LRP2: variants seen among roughly 807,000 people sequenced by gnomAD.
LRP2 encodes the protein LDL receptor related protein 2.
In LRP2, 172 loss-of-function variants were observed where a neutral mutation model predicts 531.0. That is an observed-to-expected ratio of 0.32 (90% CI 0.29 to 0.37). The LOEUF (loss-of-function observed/expected upper bound fraction) is 0.37. Ranked by LOEUF, LRP2 falls within the 10% of genes least tolerant of loss-of-function variation. LRP2 has a pLI of 1.00. For synonymous variants in LRP2, 1,992 were observed against 2,027.6 expected, an observed-to-expected ratio of 0.98 and a Z score of 0.47; for missense variants, 5,167 against 5,868.3, an observed-to-expected ratio of 0.88 and a Z score of 3.90.
At position 169,202,769 on chromosome 2, in the gene LRP2, C is replaced by G. The variant is rs1279580712; in HGVS notation, c.8196G>C (p.Met2732Ile). 1.9e-6 allele frequency: 3 copies of G among 1,614,100 alleles called. No homozygotes were observed. The highest frequency in any genetic ancestry group is 2.7e-5 in the African/African-American group (2 of 74,928). The change falls in exon 43 of 79, where the codon ATG becomes ATC. Residue 2732 changes from methionine to isoleucine, a missense_variant. By Grantham distance (10) the Met-to-Ile change is conservative. Coordinates refer to ENST00000649046, the MANE Select transcript of LRP2 (RefSeq NM_004525.3). ...AGTCCAACTCACCACAGACACTTTC[C>G]ATCTCATCACTGCCATCCCCACAGT... ...DNDCGDGSDE[M>I]ESVCALHTCS...
At chr2:169,289,197 T>A in intron 8 of LRP2, 52 bp from the exon 9 acceptor site, 1 of 1,609,406 alleles carries the variant, frequency 6.2e-7, no homozygotes, top group Non-Finnish European at 8.5e-7. Flanking sequence ...TGGACAAGAC[T>A]GATTAATCTA....
chr2:169,155,919 C>A (rs951211663), intron 65 of LRP2, among the ~76,000 whole-genome samples: 7 of 152,100 alleles, frequency 4.6e-5, no homozygotes, highest in African/African-American at 1.7e-4. Context: ...TATTGATGAC[C>A]ATCCCATAGG....
chr2:169,155,584 T>A (rs75937612), intron 65 of LRP2, among the ~76,000 whole-genome samples: 483 of 152,328 alleles, frequency 3.2e-3, no homozygotes, highest in African/African-American at 0.011. Flanking sequence ...AAACTTCAAA[T>A]TCAAAATAAA....
chr2:169,138,218 T>A (rs1685589297), intron 75 of LRP2, among the ~76,000 whole-genome samples: 1 of 152,138 alleles, frequency 6.6e-6, no homozygotes, highest in Admixed American at 6.5e-5. Context: ...AAAAATATAG[T>A]TCCCTACTCC....
chr2:169,271,510 A>G (rs2105438246), intron 15 of LRP2, among the ~76,000 whole-genome samples: 1 of 152,102 alleles, frequency 6.6e-6, no homozygotes, highest in East Asian at 1.9e-4. Context: ...ACTTAAAGTA[A>G]AATAGTATAA....
chr2:169,217,855 G>T (rs1688853971), intron 34 of LRP2, among the ~76,000 whole-genome samples: 1 of 152,006 alleles, frequency 6.6e-6, no homozygotes, highest in Non-Finnish European at 1.5e-5. Context: ...AATACACTCA[G>T]GTTTCTCTAT....
Position 169,157,405 on chromosome 2 carries a change from G to T in LRP2, c.11985C>A (p.Phe3995Leu), listed in dbSNP as rs138867955. The change falls in exon 64 of 79, where the codon TTC (phenylalanine) becomes TTA (leucine). Residue 3995 changes from phenylalanine to leucine, a missense_variant. Physicochemically the swap from Phe to Leu is conservative, Grantham distance 22 (BLOSUM62 0). This residue lies in a region of LRP2 where 564 missense variants were observed against 747.7 expected (regional missense o/e 0.75). Transcript: ENST00000649046. The stretch of plus-strand genomic sequence containing the variant: ...AGGTTCTGTCAAAAACATTGGTTTC[G>T]AACCCAGCTGTACAGGAGCAGATAA... The part of the protein sequence containing the change: ...GGFICSCTAG[F>L]ETNVFDRTSC... 6.2e-6 allele frequency: 10 copies of T among 1,613,184 alleles called. No homozygotes were observed. The highest frequency in any genetic ancestry group is 1.3e-5 in the African/African-American group (1 of 74,860).
In LRP2 at chr2:169,201,851, C is replaced by T. The variant is rs371722114; in HGVS notation, c.8229G>A (p.Pro2743=). ...ESVCALHTCS[P]TAFTCANGRC... ...GCCCATTGGCACAGGTGAAGGCTGT[C>T]GGTGAGCAGGTGTGAAGTGCTAAGA... The change falls in exon 44 of 79, where the codon CCG becomes CCA. Residue 2743 remains proline (P), a synonymous_variant. Transcript: ENST00000649046. 75 of 1,613,906 alleles carry T rather than the reference C, an allele frequency of 4.6e-5. No individual in the cohort carries two copies. Among genetic ancestry groups the T allele is most frequent in the Non-Finnish European group, 6.0e-5 (71 of 1,180,016 alleles).
Position 169,181,629 on chromosome 2 carries a change from A to G in LRP2, c.9999-11T>C, listed in dbSNP as rs777546715. ...GCCCAGTAGAGGTACCTGTCAGGGCAAACACAAAGGGTCAGTCCCTGATGC... is the reference window on the plus strand; with the variant it reads ...GCCCAGTAGAGGTACCTGTCAGGGCGAACACAAAGGGTCAGTCCCTGATGC... On this transcript the variant is annotated splice_polypyrimidine_tract_variant and intron_variant, in intron 51 of 78. Transcript: ENST00000649046. The G allele has an allele frequency of 6.2e-7, 1 of 1,614,042 alleles. No homozygotes were observed. The highest frequency in any genetic ancestry group is 8.5e-7 in the Non-Finnish European group (1 of 1,179,966).
intron 16 of LRP2, among the ~76,000 whole-genome samples, chr2:169,265,918 G>GA (rs963039969): frequency 1.7e-4 from 25 of 149,034 alleles, no homozygotes; most frequent in East Asian, 3.9e-4. Flanking sequence ...TCTCCAGAAA[G>GA]AAAAAAAAAA....
chr2:169,175,885 C>T (rs1330810728), intron 54 of LRP2, among the ~76,000 whole-genome samples: 1 of 152,148 alleles, frequency 6.6e-6, no homozygotes, highest in Non-Finnish European at 1.5e-5. Flanking sequence ...GCATTAATGC[C>T]TCTCTCCATG....
At position 169,254,643 on chromosome 2, in the gene LRP2, T is replaced by TAATAA. The variant is rs1553503780; in HGVS notation, c.2770+1462_2770+1463insTTATT. Reference sequence around the variant, plus strand: ...ATGTACCCTAAAACTTAGAGTATAATAAAAAAAAAAAAAAACAGCAATGTT... The same window carrying TAATAA: ...ATGTACCCTAAAACTTAGAGTATAATAATAAAAAAAAAAAAAAAAACAGCAATGTT... On this transcript the variant is annotated intron_variant, in intron 19 of 78. Coordinates refer to ENST00000649046, the MANE Select transcript of LRP2 (RefSeq NM_004525.3). Among the ~76,000 whole-genome samples, 21 of 73,274 alleles carry TAATAA rather than the reference T, an allele frequency of 2.9e-4. 3 individuals carry two copies. Among genetic ancestry groups the TAATAA allele is most frequent in the Non-Finnish European group, 4.8e-4 (19 of 39,368 alleles). 48.1% of individuals were successfully genotyped at this position (73,274 alleles called of 152,430 possible).
intron 35 of LRP2, 25 bp downstream of exon 35, chr2:169,216,228 C>A: frequency 1.2e-6 from 2 of 1,612,344 alleles, no homozygotes; most frequent in Non-Finnish European, 8.5e-7. Flanking sequence ...GCATAAAGAC[C>A]AAAAGACTGA....
rs114215601 is a variant in LRP2, at chr2:169,240,724, T to C, written c.4045+264A>G. The C allele has an allele frequency of 0.023, 13,308 of 577,504 alleles. 228 individuals are homozygous for C. Among genetic ancestry groups the C allele is most frequent in the Non-Finnish European group, 0.028 (9,264 of 325,738 alleles). The allele number at this position is 577,504 out of a possible 1,614,324, so 35.8% of individuals were successfully genotyped here. ...AACCAAATTTAATTTGACAATCTAA[T>C]GGCCTCAATTTAGTCTCATTTTTTG... On this transcript the variant is annotated intron_variant, in intron 25 of 78. Transcript: ENST00000649046.
At chr2:169,224,203 C>T (rs1689119449) in intron 33 of LRP2, among the ~76,000 whole-genome samples, 2 of 152,332 alleles carry the variant, frequency 1.3e-5, no homozygotes, top group South Asian at 4.1e-4. Flanking sequence ...AGAGAAAAAC[C>T]GTCTTGCCAG....
At chr2:169,225,195 CT>C (rs1337240091) in intron 33 of LRP2, 114 bp downstream of exon 33, 2 of 1,107,988 alleles carry the variant, frequency 1.8e-6, no homozygotes, top group Non-Finnish European at 2.7e-6. Context: ...TATCTTTTCC[CT>C]TTTTCTTTTT....
intron 4 of LRP2, among the ~76,000 whole-genome samples, chr2:169,297,038 G>A (rs990852258): frequency 6.6e-6 from 1 of 152,150 alleles, no homozygotes; most frequent in Non-Finnish European, 1.5e-5. Flanking sequence ...AACCTGGGAT[G>A]TATACTCATA....
rs201067529 is a variant in LRP2 at position 169,210,309 on chromosome 2, GA to G, written c.6281-669del. On this transcript the variant is annotated intron_variant, in intron 37 of 78. Transcript: ENST00000649046. Reference sequence around the variant, plus strand: ...CATAGATTCCACCAAAATTAAGAAGGAAAAAAAATACAGCTTTAAAAAGCAG... The same window carrying G: ...CATAGATTCCACCAAAATTAAGAAGGAAAAAAATACAGCTTTAAAAAGCAG... Among the ~76,000 whole-genome samples, 244 of 151,674 alleles carry G rather than the reference GA, an allele frequency of 1.6e-3. 1 individual carries two copies. Among genetic ancestry groups the G allele is most frequent in the African/African-American group, 5.7e-3 (238 of 41,392 alleles).
At position 169,170,257 on chromosome 2, in the gene LRP2, T is replaced by A. The variant is rs7559094; in HGVS notation, c.11380+294A>T. 0.24 allele frequency among the ~76,000 whole-genome samples: 35,861 copies of A among 152,088 alleles called. 4,403 individuals are homozygous for A. Among genetic ancestry groups the A allele is most frequent in the East Asian group, 0.36 (1,861 of 5,172 alleles). ...TTCCGTGGAATAGTAGCAAGATCAA[T>A]GTCTTTGTTTACAAGGCTAACGCAG... On this transcript the variant is annotated intron_variant, in intron 59 of 78. Coordinates refer to ENST00000649046, the MANE Select transcript of LRP2 (RefSeq NM_004525.3).
Sources: allele counts gnomAD v4.1 joint callset (sites outside exome capture counted in the v4.1 genomes callset), GRCh38; gene constraint gnomAD v4.1.1; regional missense constraint gnomAD v4.1.1; transcripts MANE v1.5; gene names NCBI Gene and HGNC (gene_info 2026-07-23, HGNC 2026-07-21).